Variants in MEPCE observed in about 807,000 individuals in gnomAD.
The protein encoded by MEPCE is methylphosphate capping enzyme.
A neutral mutation model predicts 52.3 loss-of-function variants in MEPCE; 9 were observed. That is an observed-to-expected ratio of 0.17 (90% confidence interval 0.10 to 0.30). MEPCE has a LOEUF of 0.30. Ranked by LOEUF, MEPCE falls within the 10% of genes least tolerant of loss-of-function variation. The pLI is 1.00. For synonymous variants in MEPCE, 477 were observed against 401.6 expected (o/e 1.19, Z -2.25); for missense variants, 826 against 933.0 (o/e 0.89, Z 1.49).
chr7:100,429,926 G>T lies in MEPCE; in HGVS notation c.-93G>T. The T allele has an allele frequency of 3.8e-6, 4 of 1,043,418 alleles. No individual in the cohort carries two copies. The highest frequency in any genetic ancestry group is 4.9e-6 in the Non-Finnish European group (4 of 815,666). 64.6% of individuals were successfully genotyped at this position (1,043,418 alleles called of 1,614,324 possible). ...GAAGAGCAGAGCTGCGCGCGCACTC[G>T]GGAAAGGGGGGAAGGGAGCAGGGTC... On this transcript the variant is annotated 5_prime_UTR_variant, in exon 1 of 4. Coordinates refer to ENST00000310512, the MANE Select transcript of MEPCE (RefSeq NM_019606.6).
In MEPCE at chr7:100,430,511, C is replaced by G. The variant is rs1798628376; in HGVS notation, c.493C>G (p.Pro165Ala). Reference protein sequence around the residue: ...VGGGGGGFKHPAFKRRRRVNS... With the variant: ...VGGGGGGFKHAAFKRRRRVNS... Reference sequence around the variant, plus strand: ...GGGAGGCGGGGGAGGCTTCAAACATCCGGCCTTCAAGAGGCGCAGGCGGGT... The same window carrying G: ...GGGAGGCGGGGGAGGCTTCAAACATGCGGCCTTCAAGAGGCGCAGGCGGGT... Residue 165 changes from proline to alanine, a missense_variant, in exon 1 of 4, where the codon CCG becomes GCG. Physicochemically the swap from Pro to Ala is conservative, Grantham distance 27 (BLOSUM62 -1). This residue lies in a region of MEPCE where 314 missense variants were observed against 277.7 expected (regional missense o/e 1.13). Transcript: ENST00000310512. The G allele has an allele frequency of 1.3e-6, 2 of 1,581,732 alleles. No homozygotes were observed. Among genetic ancestry groups the G allele is most frequent in the Non-Finnish European group, 1.7e-6 (2 of 1,164,568 alleles).
chr7:100,431,518 G>A lies in MEPCE; in HGVS notation c.1500G>A (p.Gln500=). The part of the protein sequence containing the change: ...YLSEELRLPP[Q]TLEGDPGAEG... ...CCGAGGAGCTGCGTCTCCCACCCCA[G>A]ACTTTGGAAGGGGACCCGGGGGCAG... is the stretch of plus-strand genomic sequence containing the variant. Residue 500 remains glutamine (Q), a synonymous_variant, in exon 1 of 4, where the codon CAG becomes CAA. Coordinates refer to ENST00000310512, the MANE Select transcript of MEPCE (RefSeq NM_019606.6). The A allele has an allele frequency of 1.9e-6, 3 of 1,613,286 alleles. No individual in the cohort carries two copies. The South Asian group carries it at 3.3e-5, about 18-fold the overall frequency.
chr7:100,429,688 T>G, upstream of MEPCE: 1 of 263,982 alleles, frequency 3.8e-6, no homozygotes, highest in Non-Finnish European at 7.1e-6. Context: ...GCAACCAGGG[T>G]GGTGGCGGAG....
At chr7:100,432,517 C>A (rs144112883) in intron 1 of MEPCE, among the ~76,000 whole-genome samples, 1 of 152,228 alleles carries the variant, frequency 6.6e-6, no homozygotes, top group Non-Finnish European at 1.5e-5. Flanking sequence ...CCAGCCCCAA[C>A]TGCAGGGAAG....
Position 100,430,294 on chromosome 7 carries a change from G to C in MEPCE, c.276G>C (p.Ala92=). Residue 92 remains alanine, a synonymous_variant, in exon 1 of 4, where the codon GCG becomes GCC. Coordinates refer to ENST00000310512, the MANE Select transcript of MEPCE (RefSeq NM_019606.6). ...AGCACCGAGGGGGCGGCCCCCAGGC[G>C]CAGTCGCATGGGGAGGCCCGCCTGT... ...AQQHRGGGPQ[A]QSHGEARLSD... is the part of the protein sequence containing the mutation. 1 of 1,405,606 alleles carries C rather than the reference G, an allele frequency of 7.1e-7. No homozygotes were observed. The highest frequency in any genetic ancestry group is 9.2e-7 in the Non-Finnish European group (1 of 1,083,918). 87.1% of individuals were successfully genotyped at this position (1,405,606 alleles called of 1,614,324 possible).
rs1196267344 is a variant in MEPCE, at chr7:100,430,483, A to AGGGGGAGGC, written c.475_483dup (p.Gly159_Gly161dup). ...GCAAGAGGAGAAATAGCTGTAATGT[A>AGGGGGAGGC]GGGGGAGGCGGGGGAGGCTTCAAAC... On this transcript the variant is annotated inframe_insertion, in exon 1 of 4. Transcript: ENST00000310512. 4 of 1,572,008 alleles carry AGGGGGAGGC rather than the reference A, an allele frequency of 2.5e-6. No individual in the cohort carries two copies. The highest frequency in any genetic ancestry group is 2.7e-5 in the African/African-American group (2 of 74,266).
chr7:100,430,762 C>T lies in MEPCE; in HGVS notation c.744C>T (p.Gly248=). 1 of 1,613,876 alleles carries T rather than the reference C, an allele frequency of 6.2e-7. No individual in the cohort carries two copies. The highest frequency in any genetic ancestry group is 8.5e-7 in the Non-Finnish European group (1 of 1,180,020). ...PLSLNTCTDE[G]HVVLASPLKT... ...GTCTCAATACTTGCACTGATGAGGG[C>T]CATGTAGTTCTTGCTTCGCCACTCA... Residue 248 remains glycine, a synonymous_variant, in exon 1 of 4, where the codon GGC becomes GGT. Transcript: ENST00000310512.
chr7:100,430,150 C>T lies in MEPCE; in HGVS notation c.132C>T (p.Arg44=). ...PHQEAASGEL[R]GGTERGPGRC... is the part of the protein sequence containing the mutation. ...AAGAGGCCGCCTCTGGGGAGCTCCG[C>T]GGCGGGACGGAGCGTGGTCCGGGTC... The change falls in exon 1 of 4, where the codon CGC becomes CGT. Residue 44 remains arginine, a synonymous_variant. Transcript: ENST00000310512. The T allele has an allele frequency of 7.8e-7, 1 of 1,285,720 alleles. No individual in the cohort carries two copies. Among genetic ancestry groups the T allele is most frequent in the Non-Finnish European group, 9.8e-7 (1 of 1,017,906 alleles). 79.6% of individuals were successfully genotyped at this position (1,285,720 alleles called of 1,614,324 possible). A position where few individuals can be genotyped will look rare whatever the true frequency, so the allele number is the denominator to read the frequency against.
In MEPCE at chr7:100,431,536, G is replaced by T. The variant is rs140474713; in HGVS notation, c.1518G>T (p.Pro506=). Residue 506 remains proline (P), a synonymous_variant, in exon 1 of 4, where the codon CCG becomes CCT. Coordinates refer to ENST00000310512, the MANE Select transcript of MEPCE (RefSeq NM_019606.6). ...CACCCCAGACTTTGGAAGGGGACCC[G>T]GGGGCAGAGGGTGAGGAAGGGACCA... is the stretch of plus-strand genomic sequence containing the variant. The part of the protein sequence containing the change: ...RLPPQTLEGD[P]GAEGEEGTTT... 1.9e-6 allele frequency: 3 copies of T among 1,612,810 alleles called. No individual in the cohort carries two copies. The highest frequency in any genetic ancestry group is 2.5e-6 in the Non-Finnish European group (3 of 1,180,010).
upstream of MEPCE, chr7:100,429,752 C>T (rs1223762449): frequency 2.8e-6 from 1 of 362,022 alleles, no homozygotes; most frequent in African/African-American, 2.1e-5. Flanking sequence ...TGCGCGCTCG[C>T]GGCCGGGTGG....
rs202083567 is a variant in MEPCE at position 100,433,493 on chromosome 7, T to C, written c.2018-9T>C. On this transcript the variant is annotated splice_polypyrimidine_tract_variant and intron_variant, in intron 3 of 3. Transcript: ENST00000310512. ...GCCAACCCCTTCTGATCACTCTCTC[T>C]CCCCTCAGGCTTCCAGCGTCCTGTG... 498 of 1,613,908 alleles carry C rather than the reference T, an allele frequency of 3.1e-4. No homozygotes were observed. The African/African-American group carries it at 4.3e-3, about 14-fold the overall frequency.
Position 100,430,101 on chromosome 7 carries a change from G to C in MEPCE, c.83G>C (p.Gly28Ala). 2 of 1,262,508 alleles carry C rather than the reference G, an allele frequency of 1.6e-6. No individual in the cohort carries two copies. Among genetic ancestry groups the C allele is most frequent in the Non-Finnish European group, 2.0e-6 (2 of 1,003,856 alleles). 78.2% of individuals were successfully genotyped at this position (1,262,508 alleles called of 1,614,324 possible). A position where few individuals can be genotyped will look rare whatever the true frequency, so the allele number is the denominator to read the frequency against. Reference sequence around the variant, plus strand: ...CTCAAAGATGAGTCGGGCGGAGGGGGCGGCCCCACGGTGCCACCGCACCAA... The same window carrying C: ...CTCAAAGATGAGTCGGGCGGAGGGGCCGGCCCCACGGTGCCACCGCACCAA... ...PPLKDESGGG[G>A]GPTVPPHQEA... The change falls in exon 1 of 4, where the codon GGC becomes GCC. Residue 28 changes from glycine (G) to alanine (A), a missense_variant. By Grantham distance (60) the Gly-to-Ala change is moderately conservative (BLOSUM62 0). Around this residue, in one of 7 missense-constraint regions of MEPCE, gnomAD observed 314 missense variants for 277.7 expected, o/e 1.13. Transcript: ENST00000310512.
In MEPCE at chr7:100,433,101, A is replaced by G; in HGVS notation, c.1854A>G (p.Gln618=). The part of the protein sequence containing the change: ...RPGGILVLEP[Q]PWSSYGKRKT... Reference sequence around the variant, plus strand: ...GGGGCATCCTGGTCCTAGAGCCCCAACCCTGGTCGTCGTATGGCAAGAGAA... The same window carrying G: ...GGGGCATCCTGGTCCTAGAGCCCCAGCCCTGGTCGTCGTATGGCAAGAGAA... The change falls in exon 2 of 4, where the codon CAA becomes CAG. Residue 618 remains glutamine, a synonymous_variant. Coordinates refer to ENST00000310512, the MANE Select transcript of MEPCE (RefSeq NM_019606.6). 2 of 1,613,978 alleles carry G rather than the reference A, an allele frequency of 1.2e-6. No homozygotes were observed. Among genetic ancestry groups the G allele is most frequent in the South Asian group, 2.2e-5 (2 of 91,088 alleles).
chr7:100,430,641 C>A lies in MEPCE; in HGVS notation c.623C>A (p.Thr208Asn). 6.2e-7 allele frequency: 1 copy of A among 1,613,730 alleles called. No individual in the cohort carries two copies. The highest frequency in any genetic ancestry group is 8.5e-7 in the Non-Finnish European group (1 of 1,179,990). ...NSLLDEEVSR[T>N]LNAETPKSSP... The stretch of plus-strand genomic sequence containing the variant: ...CTCCTGGATGAGGAAGTGAGCCGCA[C>A]TCTCAACGCGGAGACCCCTAAGTCA... Residue 208 changes from threonine to asparagine, a missense_variant, in exon 1 of 4, where the codon ACT becomes AAT. Physicochemically the swap from Thr to Asn is moderately conservative, Grantham distance 65 (BLOSUM62 0). Around this residue, in one of 7 missense-constraint regions of MEPCE, gnomAD observed 307 missense variants for 292.1 expected, o/e 1.05. Transcript: ENST00000310512.
rs771268264 is a variant in MEPCE at position 100,430,400 on chromosome 7, GCTC to G, written c.389_391del (p.Pro130del). ...GGGCGGGACAGAGCTGGGTCCCCCT[GCTC>G]CTCCTCGACCCCGCAATGGCTATCA... On this transcript the variant is annotated inframe_deletion, in exon 1 of 4. Coordinates refer to ENST00000310512, the MANE Select transcript of MEPCE (RefSeq NM_019606.6). 16 of 1,524,914 alleles carry G rather than the reference GCTC, an allele frequency of 1.0e-5. No homozygotes were observed. In the African/African-American group the frequency reaches 1.2e-4, roughly 12 times the overall value. The allele number at this position is 1,524,914 out of a possible 1,614,324, so 94.5% of individuals were successfully genotyped here. A position where few individuals can be genotyped will look rare whatever the true frequency, so the allele number is the denominator to read the frequency against.
chr7:100,430,577 C>T lies in MEPCE; in HGVS notation c.559C>T (p.Leu187=), dbSNP rs1326453854. The change falls in exon 1 of 4, where the codon CTG becomes TTG. Residue 187 remains leucine, a synonymous_variant. Coordinates refer to ENST00000310512, the MANE Select transcript of MEPCE (RefSeq NM_019606.6). The part of the protein sequence containing the change: ...CDSVLPSNFL[L]GGNIFDPLNL... Reference sequence around the variant, plus strand: ...CTCTGTGTTACCCTCCAACTTCCTCCTGGGGGGCAATATCTTTGATCCCCT... The same window carrying T: ...CTCTGTGTTACCCTCCAACTTCCTCTTGGGGGGCAATATCTTTGATCCCCT... 8.1e-6 allele frequency: 13 copies of T among 1,603,922 alleles called. No homozygotes were observed. The highest frequency in any genetic ancestry group is 6.6e-5 in the South Asian group (6 of 90,664).
rs948173451 is a variant in MEPCE at position 100,431,450 on chromosome 7, C to T, written c.1432C>T (p.Arg478Trp). ...SRMVGLDIDS[R>W]LIHSARQNIR... is the part of the protein sequence containing the mutation. ...CATGGTGGGCCTGGATATCGATTCC[C>T]GGCTCATCCATTCTGCCCGCCAAAA... The change falls in exon 1 of 4, where the codon CGG becomes TGG. Residue 478 changes from arginine to tryptophan, a missense_variant. By Grantham distance (101) the Arg-to-Trp change is moderately radical. This residue lies in a region of MEPCE where 107 missense variants were observed against 157.9 expected (regional missense o/e 0.68). Transcript: ENST00000310512. 37 of 1,613,812 alleles carry T rather than the reference C, an allele frequency of 2.3e-5. No individual in the cohort carries two copies. Among genetic ancestry groups the T allele is most frequent in the Non-Finnish European group, 2.9e-5 (34 of 1,180,034 alleles).
rs1798605276 is a variant in MEPCE at position 100,430,339 on chromosome 7, C to G, written c.321C>G (p.Ala107=). The part of the protein sequence containing the change: ...EARLSDPPGR[A]APPDVGEERR... ...GCCTGTCGGATCCCCCGGGGCGAGC[C>G]GCTCCCCCGGACGTGGGGGAGGAGC... Residue 107 remains alanine, a synonymous_variant, in exon 1 of 4, where the codon GCC becomes GCG. Transcript: ENST00000310512. 15 of 1,426,130 alleles carry G rather than the reference C, an allele frequency of 1.1e-5. No homozygotes were observed. The highest frequency in any genetic ancestry group is 1.4e-5 in the African/African-American group (1 of 69,304). The allele number at this position is 1,426,130 out of a possible 1,614,324, so 88.3% of individuals were successfully genotyped here. A position where few individuals can be genotyped will look rare whatever the true frequency, so the allele number is the denominator to read the frequency against.
In MEPCE at chr7:100,431,345, C is replaced by T. The variant is rs201488485; in HGVS notation, c.1327C>T (p.Arg443Trp). The change falls in exon 1 of 4, where the codon CGG becomes TGG. Residue 443 changes from arginine (R) to tryptophan (W), a missense_variant. Physicochemically the swap from Arg to Trp is moderately radical, Grantham distance 101. Transcript: ENST00000310512. ...RLRVLKPEWF[R>W]GRDVLDLGCN... ...TCGGGTGTTGAAGCCTGAGTGGTTT[C>T]GGGGCCGGGACGTCCTAGATCTGGG... is the stretch of plus-strand genomic sequence containing the variant. 5.0e-6 allele frequency: 8 copies of T among 1,613,994 alleles called. No homozygotes were observed. Among genetic ancestry groups the T allele is most frequent in the Middle Eastern group, 3.3e-4 (2 of 6,084 alleles).
Sources: allele counts gnomAD v4.1 joint callset (sites outside exome capture counted in the v4.1 genomes callset), GRCh38; gene constraint gnomAD v4.1.1; regional missense constraint gnomAD v4.1.1; transcripts MANE v1.5; gene names NCBI Gene and HGNC (gene_info 2026-07-23, HGNC 2026-07-21).